CDH12: variants seen among roughly 807,000 people sequenced by gnomAD.
CDH12 encodes cadherin 12, also known as cadherin-12.
A neutral mutation model predicts 74.1 loss-of-function variants in CDH12; 41 were observed. The observed-to-expected ratio is 0.55, with a 90% confidence interval of 0.43 to 0.72. The LOEUF is 0.72. CDH12 is among the 30% of genes least tolerant of loss of function. The pLI is 0.00. For synonymous variants in CDH12, 399 were observed against 355.0 expected, an observed-to-expected ratio of 1.12 and a Z score of -1.39; for missense variants, 945 against 977.2, an observed-to-expected ratio of 0.97 and a Z score of 0.44.
At chr5:22,444,666 C>T (rs1042007871) in intron 2 of CDH12, among the ~76,000 whole-genome samples, 16 of 151,736 alleles carry the variant, frequency 1.1e-4, no homozygotes, top group Admixed American at 4.0e-4. Flanking sequence ...TTTTCCAAAG[C>T]CCCATTTACT....
intron 1 of CDH12, among the ~76,000 whole-genome samples, chr5:22,716,082 A>G (rs1410797188): frequency 2.6e-5 from 4 of 152,164 alleles, no homozygotes; most frequent in African/African-American, 9.7e-5. Flanking sequence ...GATTGCAGTG[A>G]GCGGAGATTG....
chr5:22,681,966 G>C (rs1554058650), intron 1 of CDH12, among the ~76,000 whole-genome samples: 1 of 150,378 alleles, frequency 6.6e-6, no homozygotes, highest in Non-Finnish European at 1.5e-5. Flanking sequence ...AAAACAGAAG[G>C]AAAAAAAAAT....
chr5:22,541,129 G>A (rs1422175059), intron 1 of CDH12, among the ~76,000 whole-genome samples: 1 of 152,114 alleles, frequency 6.6e-6, no homozygotes, highest in Non-Finnish European at 1.5e-5. Flanking sequence ...TCTTTGGGGA[G>A]GATTAATTGT....
intron 4 of CDH12, among the ~76,000 whole-genome samples, chr5:22,153,971 C>A (rs1652506053): frequency 6.9e-6 from 1 of 145,920 alleles, no homozygotes; most frequent in Non-Finnish European, 1.5e-5. Flanking sequence ...TATATACACA[C>A]ATACATGCAC....
At chr5:22,287,568 C>T (rs1030632512) in intron 3 of CDH12, among the ~76,000 whole-genome samples, 1 of 151,482 alleles carries the variant, frequency 6.6e-6, no homozygotes, top group African/African-American at 2.4e-5. Context: ...ACTAAAAATA[C>T]AAAAAATTAG....
chr5:22,638,235 A>T (rs1263741133), intron 1 of CDH12, among the ~76,000 whole-genome samples: 2 of 152,212 alleles, frequency 1.3e-5, no homozygotes, highest in African/African-American at 4.8e-5. Context: ...GTCCCACAAT[A>T]GGCCAGTCTG....
At chr5:21,980,253 T>C (rs1158387172) in intron 5 of CDH12, among the ~76,000 whole-genome samples, 1 of 151,966 alleles carries the variant, frequency 6.6e-6, no homozygotes, top group African/African-American at 2.4e-5. Flanking sequence ...CTGCTTAATA[T>C]AAAATATGCA....
chr5:22,153,807 A>C (rs1351558159), intron 4 of CDH12, among the ~76,000 whole-genome samples: 8 of 147,608 alleles, frequency 5.4e-5, no homozygotes, highest in African/African-American at 2.0e-4. Context: ...AATGTCTGCC[A>C]ACAGATGACT....
At chr5:22,394,034 C>A (rs1383305951) in intron 3 of CDH12, among the ~76,000 whole-genome samples, 5 of 152,040 alleles carry the variant, frequency 3.3e-5, no homozygotes, top group Non-Finnish European at 7.4e-5. Flanking sequence ...AAGCAAAAAG[C>A]AACCAGCATT....
intron 4 of CDH12, among the ~76,000 whole-genome samples, chr5:22,191,282 A>G (rs1324507145): frequency 6.6e-6 from 1 of 151,960 alleles, no homozygotes; most frequent in Non-Finnish European, 1.5e-5. Flanking sequence ...CCCTTCCTTT[A>G]CACTCTCTTA....
intron 6 of CDH12, among the ~76,000 whole-genome samples, chr5:21,953,067 C>A (rs570956092): frequency 1.4e-3 from 209 of 151,448 alleles, no homozygotes; most frequent in Middle Eastern, 0.014. Context: ...TTTCCAGGAC[C>A]TAGGAGTGAT....
intron 11 of CDH12, among the ~76,000 whole-genome samples, chr5:21,777,944 G>A (rs948568410): frequency 6.6e-6 from 1 of 152,054 alleles, no homozygotes; most frequent in African/African-American, 2.4e-5. Flanking sequence ...TATAATTTTT[G>A]TAGAAACATT....
intron 1 of CDH12, among the ~76,000 whole-genome samples, chr5:22,828,792 T>G (rs1175918044): frequency 6.6e-6 from 1 of 152,134 alleles, no homozygotes; most frequent in African/African-American, 2.4e-5. Context: ...ACAGGAATGA[T>G]GTACATGAAG....
intron 4 of CDH12, among the ~76,000 whole-genome samples, chr5:22,138,407 T>C (rs1012589373): frequency 1.5e-4 from 23 of 151,692 alleles, no homozygotes; most frequent in Non-Finnish European, 4.4e-5. Flanking sequence ...AACACACAAG[T>C]AGGTATCACT....
At chr5:22,374,723 TA>T (rs1294229947) in intron 3 of CDH12, among the ~76,000 whole-genome samples, 4 of 151,688 alleles carry the variant, frequency 2.6e-5, no homozygotes, top group Non-Finnish European at 2.9e-5. Flanking sequence ...TATAAAAAAT[TA>T]AAATAGCTAG....
intron 7 of CDH12, among the ~76,000 whole-genome samples, chr5:21,846,738 A>T (rs1315526502): frequency 1.3e-5 from 2 of 152,070 alleles, no homozygotes; most frequent in Non-Finnish European, 2.9e-5. Context: ...GTTTTCTTGA[A>T]AAAAGTTATT....
intron 1 of CDH12, among the ~76,000 whole-genome samples, chr5:22,842,247 A>G (rs1206777365): frequency 6.6e-6 from 1 of 152,180 alleles, no homozygotes; most frequent in Non-Finnish European, 1.5e-5. Flanking sequence ...AATGTTAAAT[A>G]TGCAATCTAA....
intron 3 of CDH12, among the ~76,000 whole-genome samples, chr5:22,296,564 T>C (rs1737631503): frequency 1.3e-5 from 2 of 152,188 alleles, no homozygotes. Flanking sequence ...AAGATCTAAA[T>C]GTAAAAGTCA....
At chr5:22,117,498 TA>T (rs1745227815) in intron 4 of CDH12, among the ~76,000 whole-genome samples, 1 of 75,352 alleles carries the variant, frequency 1.3e-5, no homozygotes, top group African/African-American at 6.1e-5. Flanking sequence ...ATTATATATA[TA>T]TAATATATAT....
Sources: allele counts gnomAD v4.1 joint callset (sites outside exome capture counted in the v4.1 genomes callset), GRCh38; gene constraint gnomAD v4.1.1; transcripts MANE v1.5; gene names NCBI Gene and HGNC (gene_info 2026-07-23, HGNC 2026-07-21).